The following AKT3 variants were observed in gnomAD, a reference collection of about 807,000 sequenced individuals.
The protein encoded by AKT3 is AKT serine/threonine kinase 3, also known as RAC-gamma serine/threonine-protein kinase.
In AKT3, 15 loss-of-function variants were observed where a neutral mutation model predicts 65.3. The ratio of observed to expected loss-of-function variants is 0.23; its 90% CI spans 0.15 to 0.35. The LOEUF is 0.35. Among genes scored for constraint, AKT3 ranks in the 10% least tolerant of loss-of-function variants. AKT3 has a pLI of 1.00. For synonymous variants in AKT3, 206 were observed against 183.8 expected (o/e 1.12, Z -0.98); for missense variants, 243 against 576.5 (o/e 0.42, Z 5.92).
At chr1:243,821,076 A>T (rs191178916) in intron 2 of AKT3, among the ~76,000 whole-genome samples, 24 of 152,332 alleles carry the variant, frequency 1.6e-4, no homozygotes, top group Admixed American at 1.4e-3. Context: ...TCAGACAAAC[A>T]GCAGACTTCT....
At chr1:243,713,369 G>A (rs769124800) in intron 2 of AKT3, among the ~76,000 whole-genome samples, 2 of 152,060 alleles carry the variant, frequency 1.3e-5, no homozygotes, top group African/African-American at 2.4e-5. Context: ...ACTAATTAAC[G>A]AAATAAGGGA....
At chr1:243,791,234 A>G (rs1691610075) in intron 2 of AKT3, among the ~76,000 whole-genome samples, 1 of 152,124 alleles carries the variant, frequency 6.6e-6, no homozygotes, top group Non-Finnish European at 1.5e-5. Flanking sequence ...TGTATTGTTT[A>G]GGGGAAAATA....
In AKT3 at chr1:243,501,014, T is replaced by A. The variant is rs1669243659; in HGVS notation, c.*4235A>T. On this transcript the variant is annotated 3_prime_UTR_variant, in exon 14 of 14. Coordinates refer to ENST00000673466, the MANE Select transcript of AKT3 (RefSeq NM_005465.7). ...TTAAAGAATTATAGAGGTCACTTTT[T>A]TTTAGCCTCCTGGATCTGTCAACCC... 4.4e-6 allele frequency: 1 copy of A among 229,652 alleles called. No individual in the cohort carries two copies. The highest frequency in any genetic ancestry group is 1.8e-4 in the South Asian group (1 of 5,514). The allele number at this position is 229,652 out of a possible 1,614,324, so 14.2% of individuals were successfully genotyped here.
intron 10 of AKT3, among the ~76,000 whole-genome samples, chr1:243,555,615 T>C (rs1673356101): frequency 6.6e-6 from 1 of 152,168 alleles, no homozygotes; most frequent in South Asian, 2.1e-4. Flanking sequence ...TGGCTACCTC[T>C]GATCATTTTT....
At chr1:243,604,990 C>G (rs1206028613) in intron 8 of AKT3, among the ~76,000 whole-genome samples, 17 of 152,110 alleles carry the variant, frequency 1.1e-4, no homozygotes, top group Admixed American at 1.1e-3. Flanking sequence ...AAACCCAGGA[C>G]AGTTTTCTAT....
intron 6 of AKT3, among the ~76,000 whole-genome samples, chr1:243,629,838 C>A (rs1312048332): frequency 6.6e-6 from 1 of 152,030 alleles, no homozygotes; most frequent in South Asian, 2.1e-4. Flanking sequence ...GCAATGCAGA[C>A]AGAGATGGGC....
chr1:243,606,587 T>G (rs1172441060), intron 8 of AKT3, among the ~76,000 whole-genome samples: 1 of 152,212 alleles, frequency 6.6e-6, no homozygotes, highest in Non-Finnish European at 1.5e-5. Flanking sequence ...AAGAAAAGTT[T>G]GCAAAATTTG....
intron 8 of AKT3, among the ~76,000 whole-genome samples, chr1:243,611,591 G>A (rs530559682): frequency 8.5e-5 from 13 of 152,232 alleles, no homozygotes; most frequent in Middle Eastern, 3.4e-3. Context: ...GGCTGTGATG[G>A]GAGGATAGCT....
chr1:243,807,295 G>A (rs187865210), intron 2 of AKT3, among the ~76,000 whole-genome samples: 1 of 152,284 alleles, frequency 6.6e-6, no homozygotes, highest in East Asian at 1.9e-4. Flanking sequence ...CAAGTGAAGG[G>A]GTGACAAACA....
intron 3 of AKT3, among the ~76,000 whole-genome samples, chr1:243,687,078 C>G (rs1684379944): frequency 6.6e-6 from 1 of 152,094 alleles, no homozygotes; most frequent in Admixed American, 6.6e-5. Context: ...CCCAAGATCA[C>G]ATAGCTAGTA....
chr1:243,620,769 C>T (rs899105871), intron 6 of AKT3, among the ~76,000 whole-genome samples: 2 of 152,020 alleles, frequency 1.3e-5, no homozygotes, highest in African/African-American at 2.4e-5. Flanking sequence ...GCGCCTTTCT[C>T]GAGTATTGTG....
At chr1:243,668,669 T>C (rs1283950047) in intron 3 of AKT3, among the ~76,000 whole-genome samples, 1 of 152,216 alleles carries the variant, frequency 6.6e-6, no homozygotes, top group African/African-American at 2.4e-5. Context: ...CTCCCAGATA[T>C]ACCCAGATAT....
intron 2 of AKT3, among the ~76,000 whole-genome samples, chr1:243,834,996 G>A (rs1694799667): frequency 6.6e-6 from 1 of 152,068 alleles, no homozygotes; most frequent in Non-Finnish European, 1.5e-5. Flanking sequence ...TATAAATATA[G>A]CATTGGAAGA....
chr1:243,590,896 C>T (rs1676179174), intron 8 of AKT3, among the ~76,000 whole-genome samples: 1 of 152,118 alleles, frequency 6.6e-6, no homozygotes, highest in Non-Finnish European at 1.5e-5. Flanking sequence ...CACAGATCTA[C>T]AGTTGCCCAG....
At chr1:243,656,103 CGG>C (rs530798332) in intron 4 of AKT3, among the ~76,000 whole-genome samples, 1 of 17,212 alleles carries the variant, frequency 5.8e-5, no homozygotes, top group Non-Finnish European at 1.1e-4. Context: ...GAGGGTGTGG[CGG>C]GGGGGTGTGG....
intron 6 of AKT3, among the ~76,000 whole-genome samples, chr1:243,628,341 C>T (rs1679340579): frequency 6.6e-6 from 1 of 151,898 alleles, no homozygotes; most frequent in African/African-American, 2.4e-5. Flanking sequence ...TTTGTGTCAA[C>T]CAGGCTGAAT....
chr1:243,749,145 T>C (rs1401907248), intron 2 of AKT3, among the ~76,000 whole-genome samples: 3 of 152,132 alleles, frequency 2.0e-5, no homozygotes, highest in African/African-American at 7.2e-5. Context: ...GATCATTCTA[T>C]ATTTTTCTAA....
At chr1:243,718,960 T>A (rs1572222986) in intron 2 of AKT3, among the ~76,000 whole-genome samples, 1 of 152,154 alleles carries the variant, frequency 6.6e-6, no homozygotes, top group Admixed American at 6.5e-5. Context: ...ATTATTTTCA[T>A]GGGATAAGTC....
At chr1:243,576,157 C>G (rs1674926872) in intron 8 of AKT3, among the ~76,000 whole-genome samples, 1 of 152,046 alleles carries the variant, frequency 6.6e-6, no homozygotes, top group Non-Finnish European at 1.5e-5. Context: ...TCAATAGACA[C>G]AGAAAAGGCC....
Sources: allele counts gnomAD v4.1 joint callset (sites outside exome capture counted in the v4.1 genomes callset), GRCh38; gene constraint gnomAD v4.1.1; transcripts MANE v1.5; gene names NCBI Gene and HGNC (gene_info 2026-07-23, HGNC 2026-07-21).